Variants in IL1RAPL1 observed in about 807,000 individuals in gnomAD.
IL1RAPL1 encodes the protein interleukin 1 receptor accessory protein like 1.
A neutral mutation model predicts 48.4 loss-of-function variants in IL1RAPL1; 3 were observed. The ratio of observed to expected loss-of-function variants is 0.06; its 90% confidence interval spans 0.03 to 0.16. IL1RAPL1 has a LOEUF of 0.16. Among genes scored for constraint, IL1RAPL1 ranks in the 10% least tolerant of loss-of-function variants. IL1RAPL1 has a pLI of 1.00. For missense variants in IL1RAPL1, 349 were observed against 530.6 expected, an observed-to-expected ratio of 0.66 and a Z score of 3.36; for synonymous variants, 185 against 187.7, an observed-to-expected ratio of 0.99 and a Z score of 0.12.
intron 2 of IL1RAPL1, among the ~76,000 whole-genome samples, chrX:29,246,150 C>CTTTTTTTTTT (rs761809643): frequency 1.9e-5 from 1 of 52,023 alleles, no homozygotes. Flanking sequence ...TCTCATCGCT[C>CTTTTTTTTTT]TTTTTTTTTT....
intron 1 of IL1RAPL1, among the ~76,000 whole-genome samples, chrX:28,742,322 G>C (rs910730104): frequency 5.4e-5 from 6 of 111,511 alleles, no homozygotes; most frequent in African/African-American, 1.9e-4. Context: ...TTTAGTGCAA[G>C]CTCTTGGCAA....
chrX:29,393,549 A>G (rs1053530224), intron 3 of IL1RAPL1, among the ~76,000 whole-genome samples: 1 of 111,495 alleles, frequency 9.0e-6, no homozygotes. Context: ...CTCTCTGTAT[A>G]TGAATGTCTC....
chrX:29,381,491 CAAAAAAAAAAAAAAAAAAAAAA>C (rs548019465), intron 3 of IL1RAPL1, among the ~76,000 whole-genome samples: 53 of 6,456 alleles, frequency 8.2e-3, no homozygotes, highest in South Asian at 0.045. Flanking sequence ...CTCATCTCTA[CAAAAAAAAAAAAAAAAAAAAAA>C]AAAAAAAAAA....
chrX:28,740,112 G>A (rs1473241453), intron 1 of IL1RAPL1, among the ~76,000 whole-genome samples: 1 of 110,727 alleles, frequency 9.0e-6, no homozygotes, highest in Non-Finnish European at 1.9e-5. Flanking sequence ...ATCTTACCTG[G>A]TTCAAAAAAT....
intron 2 of IL1RAPL1, among the ~76,000 whole-genome samples, chrX:28,972,700 C>G (rs184644541): frequency 0.013 from 1,451 of 111,465 alleles, 16 homozygotes; most frequent in Non-Finnish European, 0.019. Context: ...GATCGTGCCA[C>G]TGCCCTCCAG....
intron 6 of IL1RAPL1, among the ~76,000 whole-genome samples, chrX:29,906,487 A>G (rs867841414): frequency 2.9e-5 from 1 of 34,065 alleles, no homozygotes; most frequent in Non-Finnish European, 5.0e-5. Context: ...ATATATATAT[A>G]TATATATATA....
intron 6 of IL1RAPL1, among the ~76,000 whole-genome samples, chrX:29,876,939 G>A (rs1182325598): frequency 8.9e-6 from 1 of 111,820 alleles, no homozygotes; most frequent in Non-Finnish European, 1.9e-5. Flanking sequence ...ACGCGCCTCA[G>A]ATGCCTTTCT....
intron 2 of IL1RAPL1, among the ~76,000 whole-genome samples, chrX:28,923,071 C>T (rs1923652492): frequency 8.9e-6 from 1 of 112,121 alleles, no homozygotes; most frequent in Non-Finnish European, 1.9e-5. Flanking sequence ...TTATTTTCAA[C>T]TTTTATTTCA....
At chrX:28,610,242 G>A (rs979463639) in intron 1 of IL1RAPL1, among the ~76,000 whole-genome samples, 9 of 111,785 alleles carry the variant, frequency 8.1e-5, no homozygotes, top group East Asian at 2.8e-4. Context: ...TCCCCTACTC[G>A]ACTTCATTCT....
rs1359954853 is a variant in IL1RAPL1, at chrX:29,382,547, T to C, written c.363-13711T>C. On this transcript the variant is annotated intron_variant, in intron 3 of 10. Transcript: ENST00000378993. ...AAATAATGAATTTCAAAATGTCTGTTCCATGTACACAGTTGTTGACATACA... is the reference window on the plus strand; with the variant it reads ...AAATAATGAATTTCAAAATGTCTGTCCCATGTACACAGTTGTTGACATACA... Among the ~76,000 whole-genome samples, 8 of 112,012 alleles carry C rather than the reference T, an allele frequency of 7.1e-5. No individual in the cohort carries two copies. The Admixed American group carries it at 7.6e-4, about 11-fold the overall frequency.
chrX:29,238,088 C>T (rs1019242710), intron 2 of IL1RAPL1, among the ~76,000 whole-genome samples: 9 of 110,574 alleles, frequency 8.1e-5, no homozygotes, highest in South Asian at 4.0e-4. Flanking sequence ...CACAGTGCAC[C>T]GGATTTGTCA....
chrX:29,471,824 T>C (rs1006531733), intron 5 of IL1RAPL1, among the ~76,000 whole-genome samples: 6 of 111,615 alleles, frequency 5.4e-5, no homozygotes, highest in Admixed American at 3.8e-4. Context: ...TTGCGTCTGG[T>C]TTCTTTCACT....
chrX:29,643,016 G>A (rs1378195668), intron 5 of IL1RAPL1, among the ~76,000 whole-genome samples: 1 of 112,357 alleles, frequency 8.9e-6, no homozygotes, highest in African/African-American at 3.2e-5. Flanking sequence ...ACCCACAGTG[G>A]TACCAGCAGG....
chrX:29,095,359 C>T (rs1928191699), intron 2 of IL1RAPL1, among the ~76,000 whole-genome samples: 1 of 111,234 alleles, frequency 9.0e-6, no homozygotes, highest in Admixed American at 9.6e-5. Flanking sequence ...AATAGTTTTA[C>T]ATTGCTATAA....
chrX:29,428,490 T>G (rs760255350), intron 5 of IL1RAPL1, among the ~76,000 whole-genome samples: 54 of 110,906 alleles, frequency 4.9e-4, no homozygotes, highest in African/African-American at 1.8e-3. Flanking sequence ...GGCCTCTTTG[T>G]GAGGTCCATG....
At chrX:29,819,974 T>C (rs1207439439) in intron 6 of IL1RAPL1, among the ~76,000 whole-genome samples, 1 of 106,279 alleles carries the variant, frequency 9.4e-6, no homozygotes, top group Non-Finnish European at 1.9e-5. Context: ...CATGTATAAA[T>C]ACAATATTAT....
At chrX:29,210,278 A>G (rs1432308231) in intron 2 of IL1RAPL1, among the ~76,000 whole-genome samples, 1 of 112,240 alleles carries the variant, frequency 8.9e-6, no homozygotes, top group Non-Finnish European at 1.9e-5. Flanking sequence ...AAACCTGTCA[A>G]GTATGAATGT....
chrX:29,149,600 C>A (rs1318764815), intron 2 of IL1RAPL1, among the ~76,000 whole-genome samples: 11 of 111,647 alleles, frequency 9.9e-5, no homozygotes, highest in Non-Finnish European at 1.7e-4. Context: ...GAGCCCAACC[C>A]TCTCTTTTTC....
intron 1 of IL1RAPL1, among the ~76,000 whole-genome samples, chrX:28,754,839 A>G (rs770106988): frequency 8.9e-6 from 1 of 112,184 alleles, no homozygotes; most frequent in South Asian, 3.7e-4. Flanking sequence ...CGGATATAAA[A>G]TGCTTCCCCT....
Sources: gnomAD v4.1 joint callset for allele counts (sites outside exome capture counted in the v4.1 genomes callset) on GRCh38, gnomAD v4.1.1 for gene constraint, MANE v1.5 for transcripts, NCBI Gene and HGNC (gene_info 2026-07-23, HGNC 2026-07-21) for gene names.